Variants in BRWD3 observed in about 807,000 individuals in gnomAD.
BRWD3 encodes bromodomain and WD repeat domain containing 3.
In BRWD3, 10 loss-of-function variants were observed where a neutral mutation model predicts 149.7. The ratio of observed to expected loss-of-function variants is 0.07; its 90% CI spans 0.04 to 0.11. The LOEUF (loss-of-function observed/expected upper bound fraction) is 0.11. Among genes scored for constraint, BRWD3 ranks in the 10% least tolerant of loss-of-function variants. The pLI, the probability that BRWD3 is intolerant of heterozygous loss-of-function variation, is 1.00. For synonymous variants in BRWD3, 504 were observed against 456.7 expected (o/e 1.10, Z -1.32); for missense variants, 940 against 1,373.2 (o/e 0.68, Z 4.99).
intron 22 of BRWD3, 34 bp downstream of exon 22, chrX:80,707,393 A>G (rs1217307554): frequency 8.8e-7 from 1 of 1,130,073 alleles, no homozygotes; most frequent in Non-Finnish European, 1.2e-6. Context: ...AAACTGTTCA[A>G]TAATTTTGAC....
At position 80,673,379 on chromosome X, in the gene BRWD3, T is replaced by A. The variant is rs1420917141; in HGVS notation, c.*3230A>T. 1 of 111,297 alleles carries A rather than the reference T, an allele frequency of 9.0e-6. No homozygotes were observed. The highest frequency in any genetic ancestry group is 2.8e-4 in the East Asian group (1 of 3,530). 9.2% of individuals were successfully genotyped at this position (111,297 alleles called of 1,213,427 possible). ...GTTATCTAGAAGGCATAATGAATGA[T>A]CAAGCAGTAAATATACAGGCTAAGA... On this transcript the variant is annotated 3_prime_UTR_variant, in exon 41 of 41. Coordinates refer to ENST00000373275, the MANE Select transcript of BRWD3 (RefSeq NM_153252.5).
intron 25 of BRWD3, among the ~76,000 whole-genome samples, chrX:80,699,230 T>A (rs888661810): frequency 9.0e-6 from 1 of 110,499 alleles, no homozygotes; most frequent in African/African-American, 3.3e-5. Context: ...AAATAAAAAA[T>A]AAATAAATAA....
At chrX:80,770,499 A>G (rs1442346862) in intron 6 of BRWD3, among the ~76,000 whole-genome samples, 6 of 111,647 alleles carry the variant, frequency 5.4e-5, no homozygotes, top group Non-Finnish European at 1.1e-4. Context: ...AAAGACAAAA[A>G]CCACATGATT....
intron 21 of BRWD3, among the ~76,000 whole-genome samples, chrX:80,707,864 T>C (rs1299584278): frequency 1.8e-5 from 2 of 111,835 alleles, no homozygotes; most frequent in Non-Finnish European, 3.8e-5. Context: ...AAAATTTTAA[T>C]TATCTTTTTT....
At chrX:80,722,825 G>T in intron 16 of BRWD3, 38 bp from the exon 17 acceptor site, 1 of 1,069,734 alleles carries the variant, frequency 9.3e-7, no homozygotes, top group East Asian at 3.0e-5. Flanking sequence ...CATACACAGG[G>T]AATTTATAAG....
chrX:80,787,229 A>G (rs1249987052), intron 6 of BRWD3, among the ~76,000 whole-genome samples: 2 of 111,764 alleles, frequency 1.8e-5, no homozygotes, highest in African/African-American at 6.5e-5. Flanking sequence ...TTACAAAAAT[A>G]AAGAGCTATA....
intron 6 of BRWD3, among the ~76,000 whole-genome samples, chrX:80,775,268 G>A (rs966429204): frequency 1.8e-5 from 2 of 111,738 alleles, no homozygotes; most frequent in Admixed American, 1.9e-4. Context: ...CATAGAGGAT[G>A]TAGAATAATT....
chrX:80,766,667 C>G (rs2147819423), intron 6 of BRWD3, among the ~76,000 whole-genome samples: 1 of 111,916 alleles, frequency 8.9e-6, no homozygotes, highest in East Asian at 2.9e-4. Flanking sequence ...ATAGGAACAG[C>G]TCCGGTCTGC....
chrX:80,703,539 G>T lies in BRWD3; in HGVS notation c.2776C>A (p.Gln926Lys). 8.3e-7 allele frequency: 1 copy of T among 1,208,480 alleles called. No homozygotes were observed. Among genetic ancestry groups the T allele is most frequent in the Non-Finnish European group, 1.1e-6 (1 of 893,995 alleles). Residue 926 changes from glutamine (Q) to lysine (K), a missense_variant, in exon 24 of 41, where the codon CAG (glutamine) becomes AAG (lysine). By Grantham distance (53) the Gln-to-Lys change is moderately conservative. Coordinates refer to ENST00000373275, the MANE Select transcript of BRWD3 (RefSeq NM_153252.5). ...GEPNEEWFAP[Q>K]WILDTIPRRS... ...CGGGGTATAGTATCCAAGATCCACT[G>T]AGGGGCAAACCATTCTTCATTAGGC...
intron 15 of BRWD3, 41 bp from the exon 16 acceptor site, chrX:80,723,917 T>A (rs1389123974): frequency 2.5e-6 from 3 of 1,184,329 alleles, no homozygotes; most frequent in Admixed American, 4.4e-5. Context: ...AAGAGTAATT[T>A]TCAAATAATA....
chrX:80,799,401 T>C (rs1197076547), intron 4 of BRWD3, among the ~76,000 whole-genome samples: 2 of 112,047 alleles, frequency 1.8e-5, no homozygotes, highest in East Asian at 5.6e-4. Flanking sequence ...GACAAGTAAC[T>C]CTAAAAAACA....
chrX:80,736,186 A>T, intron 8 of BRWD3, 98 bp from the exon 9 acceptor site: 1 of 544,512 alleles, frequency 1.8e-6, no homozygotes, highest in Non-Finnish European at 2.9e-6. Flanking sequence ...TAACAAATAT[A>T]ATTTCAATAA....
At chrX:80,707,588 C>A (rs2072885698) in intron 21 of BRWD3, 85 bp from the exon 22 acceptor site, 1 of 925,732 alleles carries the variant, frequency 1.1e-6, no homozygotes, top group African/African-American at 2.0e-5. Context: ...TGTTTTATAG[C>A]ATTTTTTTGA....
At chrX:80,808,456 GAGGTGGGGGGCGGGTTGGGGGTACA>G in intron 4 of BRWD3, 58 bp downstream of exon 4, 15 of 766,738 alleles carry the variant, frequency 2.0e-5, no homozygotes, top group Non-Finnish European at 2.8e-5. Context: ...CGTCGGCTGA[GAGGTGGGGGGCGGGTTGGGGGTACA>G]AGGTGGGGAG....
At chrX:80,726,341 A>G (rs1166852324) in intron 14 of BRWD3, among the ~76,000 whole-genome samples, 1 of 93,249 alleles carries the variant, frequency 1.1e-5, no homozygotes, top group African/African-American at 4.2e-5. Context: ...TTTACATGTT[A>G]TGTCTGTATA....
intron 20 of BRWD3, among the ~76,000 whole-genome samples, chrX:80,712,672 C>A (rs2072996439): frequency 9.1e-6 from 1 of 109,907 alleles, no homozygotes; most frequent in Non-Finnish European, 1.9e-5. Flanking sequence ...AGGAGCGTCT[C>A]TGCCCAGCCG....
At position 80,681,519 on chromosome X, in the gene BRWD3, T is replaced by G; in HGVS notation, c.4496-20A>C. On this transcript the variant is annotated intron_variant, in intron 39 of 40. Coordinates refer to ENST00000373275, the MANE Select transcript of BRWD3 (RefSeq NM_153252.5). Reference sequence around the variant, plus strand: ...CTGAAACTTACATTTTAAAAGATTTTAATACTAACATAATTATCATGTTTT... The same window carrying G: ...CTGAAACTTACATTTTAAAAGATTTGAATACTAACATAATTATCATGTTTT... 8.7e-7 allele frequency: 1 copy of G among 1,151,253 alleles called. No individual in the cohort carries two copies. Among genetic ancestry groups the G allele is most frequent in the Non-Finnish European group, 1.2e-6 (1 of 841,668 alleles). 94.9% of individuals were successfully genotyped at this position (1,151,253 alleles called of 1,213,427 possible).
chrX:80,740,287 T>C (rs1167306129), intron 8 of BRWD3, among the ~76,000 whole-genome samples: 3 of 112,371 alleles, frequency 2.7e-5, no homozygotes, highest in African/African-American at 9.7e-5. Flanking sequence ...AATTTTAATA[T>C]TTCTCTGTTT....
At chrX:80,714,532 T>C (rs1428624287) in intron 20 of BRWD3, among the ~76,000 whole-genome samples, 2 of 111,357 alleles carry the variant, frequency 1.8e-5, no homozygotes, top group Admixed American at 1.9e-4. Context: ...CACCTTCCAG[T>C]TGTCCTGCTT....
Sources: gnomAD v4.1 joint callset for allele counts (sites outside exome capture counted in the v4.1 genomes callset) on GRCh38, gnomAD v4.1.1 for gene constraint, MANE v1.5 for transcripts, NCBI Gene and HGNC (gene_info 2026-07-23, HGNC 2026-07-21) for gene names.